The following MYO5A variants were observed in gnomAD, a reference collection of about 807,000 sequenced individuals.
MYO5A encodes myosin VA, also known as unconventional myosin-Va.
In MYO5A, 98 loss-of-function variants were observed where a neutral mutation model predicts 249.7. The observed-to-expected ratio is 0.39, with a 90% CI of 0.33 to 0.46. The LOEUF is 0.46. Ranked by LOEUF, MYO5A falls within the 20% of genes least tolerant of loss-of-function variation. MYO5A has a pLI of 0.98. For synonymous variants in MYO5A, 778 were observed against 810.6 expected, an observed-to-expected ratio of 0.96 and a Z score of 0.68; for missense variants, 1,696 against 2,308.8, an observed-to-expected ratio of 0.73 and a Z score of 5.44.
rs1409028897 is a variant in MYO5A at position 52,310,177 on chromosome 15, T to G, written c.*3519A>C. 1 of 152,194 alleles carries G rather than the reference T, an allele frequency of 6.6e-6. No individual in the cohort carries two copies. Among genetic ancestry groups the G allele is most frequent in the African/African-American group, 2.4e-5 (1 of 41,432 alleles). 9.4% of individuals were successfully genotyped at this position (152,194 alleles called of 1,614,324 possible). A position where few individuals can be genotyped will look rare whatever the true frequency, so the allele number is the denominator to read the frequency against. ...CCCTATCAGTTGGCTTCGGAATATG[T>G]TTTTGTGCTTCTGCACCTGACAAAA... On this transcript the variant is annotated 3_prime_UTR_variant, in exon 42 of 42. Transcript: ENST00000399233.
rs184519019 is a variant in MYO5A, at chr15:52,309,200, C to G, written c.*4496G>C. 1 of 152,424 alleles carries G rather than the reference C, an allele frequency of 6.6e-6. No homozygotes were observed. Among genetic ancestry groups the G allele is most frequent in the Admixed American group, 6.5e-5 (1 of 15,296 alleles). 9.4% of individuals were successfully genotyped at this position (152,424 alleles called of 1,614,324 possible). ...CAGAGAGGCTTTTGCTGTTTCCTGT[C>G]TTTTTGGTTGAGACAACCTGCTACC... On this transcript the variant is annotated 3_prime_UTR_variant, in exon 42 of 42. Transcript: ENST00000399233.
intron 9 of MYO5A, among the ~76,000 whole-genome samples, chr15:52,403,109 A>C (rs2042834336): frequency 6.6e-6 from 1 of 152,238 alleles, no homozygotes; most frequent in Non-Finnish European, 1.5e-5. Flanking sequence ...CTCAAATTTT[A>C]GGTAAGACTC....
intron 4 of MYO5A, among the ~76,000 whole-genome samples, chr15:52,425,246 G>A (rs911111831): frequency 1.3e-5 from 2 of 152,118 alleles, no homozygotes; most frequent in Admixed American, 1.3e-4. Flanking sequence ...CCTTTCATCT[G>A]TAAAACATAA....
chr15:52,456,765 A>C (rs2076127390), intron 1 of MYO5A, among the ~76,000 whole-genome samples: 1 of 152,230 alleles, frequency 6.6e-6, no homozygotes, highest in Non-Finnish European at 1.5e-5. Flanking sequence ...CTGGATAACC[A>C]TATGCAGAAG....
chr15:52,358,852 CCT>C (rs2040376720), intron 25 of MYO5A, among the ~76,000 whole-genome samples: 1 of 152,018 alleles, frequency 6.6e-6, no homozygotes, highest in African/African-American at 2.4e-5. Flanking sequence ...ACTGGAAAAA[CCT>C]CTATCCTGCT....
chr15:52,327,960 C>G lies in MYO5A; in HGVS notation c.4602G>C (p.Pro1534=). ...GVAVNLIPGL[P]AYILFMCVRH... ...GAACACACATGAACAGGATATATGC[C>G]GGTAATCCTGGAATCAAATTGACTG... is the stretch of plus-strand genomic sequence containing the variant. The change falls in exon 36 of 42, where the codon CCG becomes CCC. Residue 1534 remains proline, a synonymous_variant. Coordinates refer to ENST00000399233, the MANE Select transcript of MYO5A (RefSeq NM_001382347.1). 1 of 1,613,610 alleles carries G rather than the reference C, an allele frequency of 6.2e-7. No individual in the cohort carries two copies. The highest frequency in any genetic ancestry group is 8.5e-7 in the Non-Finnish European group (1 of 1,179,642).
intron 1 of MYO5A, among the ~76,000 whole-genome samples, chr15:52,477,207 G>A (rs916310863): frequency 6.6e-5 from 10 of 152,108 alleles, no homozygotes; most frequent in South Asian, 2.1e-4. Context: ...TTGTGCATGC[G>A]TCACGTAGTT....
chr15:52,477,492 T>A (rs940025409), intron 1 of MYO5A, among the ~76,000 whole-genome samples: 18 of 152,230 alleles, frequency 1.2e-4, no homozygotes, highest in African/African-American at 4.3e-4. Context: ...GCGCTCTGAT[T>A]TTTTGAATTT....
At chr15:52,392,123 T>C (rs1260527660) in intron 11 of MYO5A, 53 bp from the exon 12 acceptor site, 4 of 1,542,902 alleles carry the variant, frequency 2.6e-6, no homozygotes, top group South Asian at 2.3e-5. Flanking sequence ...TAACAAAGAA[T>C]GTAGTCAAGA....
upstream of MYO5A, chr15:52,528,978 G>A (rs2077777043): frequency 6.0e-6 from 2 of 334,180 alleles, no homozygotes; most frequent in South Asian, 1.1e-4. Flanking sequence ...TCAGGCGCTG[G>A]CCGCCCGCAG....
At position 52,376,480 on chromosome 15, in the gene MYO5A, C is replaced by T; in HGVS notation, c.2287G>A (p.Ala763Thr). ...ATGCAGGCAGCTCTCAGTTTGTCAG[C>T]TCTCAATTTTTCTAGATAGGCCACT... ...GQVAYLEKLR[A>T]DKLRAACIRI... The change falls in exon 19 of 42, where the codon GCT becomes ACT. Residue 763 changes from alanine to threonine, a missense_variant. Ala to Thr is a moderately conservative substitution (Grantham distance 58). Transcript: ENST00000399233. 4 of 1,614,138 alleles carry T rather than the reference C, an allele frequency of 2.5e-6. No homozygotes were observed. The highest frequency in any genetic ancestry group is 3.4e-6 in the Non-Finnish European group (4 of 1,180,024).
At chr15:52,480,120 A>G (rs1266876744) in intron 1 of MYO5A, among the ~76,000 whole-genome samples, 2 of 152,236 alleles carry the variant, frequency 1.3e-5, no homozygotes, top group Non-Finnish European at 2.9e-5. Flanking sequence ...TGTCAATTAT[A>G]CCTCAATAAA....
chr15:52,333,246 A>G (rs1042233346), intron 34 of MYO5A, among the ~76,000 whole-genome samples: 4 of 152,228 alleles, frequency 2.6e-5, no homozygotes, highest in African/African-American at 9.6e-5. Context: ...GAAGACCTGA[A>G]AAAAGACTCT....
At position 52,505,400 on chromosome 15, in the gene MYO5A, G is replaced by C. The variant is rs1213458395; in HGVS notation, c.27+23380C>G. On this transcript the variant is annotated intron_variant, in intron 1 of 41. Transcript: ENST00000399233. ...GAAAAGGAAAAGGCCAGCCTGCCAG[G>C]AGTGAAGAAAGCTTTGGGCAAGTAT... 10 of 792,782 alleles carry C rather than the reference G, an allele frequency of 1.3e-5. No individual in the cohort carries two copies. The East Asian group carries it at 2.4e-4, about 19-fold the overall frequency. 49.1% of individuals were successfully genotyped at this position (792,782 alleles called of 1,614,324 possible). A position where few individuals can be genotyped will look rare whatever the true frequency, so the allele number is the denominator to read the frequency against.
At chr15:52,354,156 T>C in intron 25 of MYO5A, 142 bp from the exon 26 acceptor site, 4 of 998,416 alleles carry the variant, frequency 4.0e-6, no homozygotes, top group Non-Finnish European at 4.3e-6. Context: ...ATTTTTAAAA[T>C]GCTCAACCTA....
At chr15:52,401,118 T>C (rs2042734292) in intron 9 of MYO5A, among the ~76,000 whole-genome samples, 1 of 148,544 alleles carries the variant, frequency 6.7e-6, no homozygotes, top group African/African-American at 2.5e-5. Flanking sequence ...TCCTCCAGGC[T>C]GGAGTGCAGT....
At chr15:52,371,478 C>T (rs923920258) in intron 21 of MYO5A, among the ~76,000 whole-genome samples, 2 of 152,168 alleles carry the variant, frequency 1.3e-5, no homozygotes, top group African/African-American at 4.8e-5. Context: ...TTTGATAGAG[C>T]ATTGCCAAGT....
chr15:52,373,081 G>T (rs1283690708), intron 20 of MYO5A, among the ~76,000 whole-genome samples: 1 of 152,056 alleles, frequency 6.6e-6, no homozygotes, highest in Non-Finnish European at 1.5e-5. Context: ...GGATTCAAAG[G>T]TAGGAGGGAT....
At chr15:52,501,496 G>T (rs1029166607) in intron 1 of MYO5A, among the ~76,000 whole-genome samples, 2 of 152,098 alleles carry the variant, frequency 1.3e-5, no homozygotes, top group Non-Finnish European at 2.9e-5. Context: ...CTGCTTGGGA[G>T]ACTGAGGTGG....
Sources: allele counts gnomAD v4.1 joint callset (sites outside exome capture counted in the v4.1 genomes callset), GRCh38; gene constraint gnomAD v4.1.1; transcripts MANE v1.5; gene names NCBI Gene and HGNC (gene_info 2026-07-23, HGNC 2026-07-21).